The following NALF1 variants were observed in gnomAD, a reference collection of about 807,000 sequenced individuals.
The protein encoded by NALF1 is NALCN channel auxiliary factor 1.
NALF1 carries 3 observed loss-of-function variants against 48.4 expected under a neutral mutation model. That is an observed-to-expected ratio of 0.06 (90% CI 0.03 to 0.16). The LOEUF (loss-of-function observed/expected upper bound fraction) is 0.16. Ranked by LOEUF, NALF1 falls within the 10% of genes least tolerant of loss-of-function variation. NALF1 has a pLI of 1.00. For missense variants in NALF1, 526 were observed against 571.5 expected (o/e 0.92, Z 0.81); for synonymous variants, 262 against 245.7 (o/e 1.07, Z -0.62).
chr13:107,202,284 T>G (rs972935699), intron 2 of NALF1, among the ~76,000 whole-genome samples: 1 of 151,404 alleles, frequency 6.6e-6, no homozygotes, highest in Non-Finnish European at 1.5e-5. Flanking sequence ...ACCTACATTA[T>G]CTGGAAATTT....
intron 1 of NALF1, among the ~76,000 whole-genome samples, chr13:107,565,065 C>CAAAAA (rs71754551): frequency 3.4e-4 from 8 of 23,206 alleles, no homozygotes; most frequent in East Asian, 4.5e-3. Flanking sequence ...GTGATATCTG[C>CAAAAA]AAAAAAAAAA....
At position 107,398,335 on chromosome 13, in the gene NALF1, T is replaced by C. The variant is rs947846974; in HGVS notation, c.916-187580A>G. Among the ~76,000 whole-genome samples the C allele has an allele frequency of 4.7e-5, 7 of 150,132 alleles. No individual in the cohort carries two copies. The East Asian group carries it at 1.4e-3, about 29-fold the overall frequency. On this transcript the variant is annotated intron_variant, in intron 1 of 2. Transcript: ENST00000375915. ...TTCCCTTAACCAAATAAAGGCGATA[T>C]GGAATTTTAGATGCTGGCAGTTGTG...
chr13:107,212,478 C>A (rs1441333769), intron 1 of NALF1, among the ~76,000 whole-genome samples: 1 of 152,142 alleles, frequency 6.6e-6, no homozygotes, highest in Non-Finnish European at 1.5e-5. Flanking sequence ...CGGAGGTGGG[C>A]TGTGGCTGTG....
intron 1 of NALF1, among the ~76,000 whole-genome samples, chr13:107,389,711 C>T (rs1883589537): frequency 6.6e-6 from 1 of 152,150 alleles, no homozygotes; most frequent in South Asian, 2.1e-4. Flanking sequence ...GGCATGCGAG[C>T]TCATGAAGGC....
intron 2 of NALF1, among the ~76,000 whole-genome samples, chr13:107,190,388 C>G (rs1159945360): frequency 6.6e-6 from 1 of 152,148 alleles, no homozygotes; most frequent in Non-Finnish European, 1.5e-5. Flanking sequence ...CACGCATACA[C>G]AGAACAAGCT....
intron 1 of NALF1, among the ~76,000 whole-genome samples, chr13:107,682,467 T>G (rs1439473468): frequency 1.3e-5 from 2 of 152,168 alleles, no homozygotes. Context: ...AGCATTGTGC[T>G]GTTCCCAACA....
intron 1 of NALF1, among the ~76,000 whole-genome samples, chr13:107,301,588 A>G (rs1345771172): frequency 6.6e-6 from 1 of 152,146 alleles, no homozygotes; most frequent in East Asian, 1.9e-4. Flanking sequence ...GAAAATGAGA[A>G]TATTTTATGG....
chr13:107,310,246 C>T (rs534008117), intron 1 of NALF1, among the ~76,000 whole-genome samples: 1 of 152,032 alleles, frequency 6.6e-6, no homozygotes, highest in African/African-American at 2.4e-5. Flanking sequence ...CCTGTCTCTA[C>T]TAAAAATACA....
chr13:107,822,813 G>A (rs529259238), intron 1 of NALF1, among the ~76,000 whole-genome samples: 45 of 152,290 alleles, frequency 3.0e-4, no homozygotes, highest in Non-Finnish European at 5.9e-4. Flanking sequence ...AATATAAAAA[G>A]AACAAGGAAA....
chr13:107,351,826 A>G (rs1168483189), intron 1 of NALF1, among the ~76,000 whole-genome samples: 1 of 152,160 alleles, frequency 6.6e-6, no homozygotes, highest in Non-Finnish European at 1.5e-5. Flanking sequence ...TGGAGAGGAG[A>G]GCTTCATTTC....
At position 107,866,775 on chromosome 13, in the gene NALF1, T is replaced by C. The variant is rs139671494; in HGVS notation, c.-179A>G. The C allele has an allele frequency of 5.7e-4, 340 of 598,320 alleles. 1 individual carries two copies. In the East Asian group the frequency reaches 9.3e-3, roughly 16 times the overall value. The allele number at this position is 598,320 out of a possible 1,614,324, so 37.1% of individuals were successfully genotyped here. A position where few individuals can be genotyped will look rare whatever the true frequency, so the allele number is the denominator to read the frequency against. ...TCTCTCCTCTCTCTCTCTCTCCCTCTCCCTCTCTTTTATCTCTCTCTGTCT... is the reference window on the plus strand; with the variant it reads ...TCTCTCCTCTCTCTCTCTCTCCCTCCCCCTCTCTTTTATCTCTCTCTGTCT... On this transcript the variant is annotated 5_prime_UTR_variant, in exon 1 of 3. Coordinates refer to ENST00000375915, the MANE Select transcript of NALF1 (RefSeq NM_001080396.3). This position sits in a 1 kb window ranked among gnomAD's most constrained non-coding sequence, Gnocchi z 4.4.
Position 107,370,177 on chromosome 13 carries a change from G to A in NALF1, c.916-159422C>T, listed in dbSNP as rs549797084. Reference sequence around the variant, plus strand: ...ACTTTCATATTCTGCATTCCAAATTGCAGTTTGGGGGACGTTAGCTTTCCT... The same window carrying A: ...ACTTTCATATTCTGCATTCCAAATTACAGTTTGGGGGACGTTAGCTTTCCT... On this transcript the variant is annotated intron_variant, in intron 1 of 2. Coordinates refer to ENST00000375915, the MANE Select transcript of NALF1 (RefSeq NM_001080396.3). 1.3e-3 allele frequency among the ~76,000 whole-genome samples: 198 copies of A among 152,258 alleles called. 2 individuals carry two copies. The highest frequency in any genetic ancestry group is 4.6e-3 in the Admixed American group (70 of 15,292).
intron 1 of NALF1, among the ~76,000 whole-genome samples, chr13:107,616,523 T>C (rs750575230): frequency 1.3e-5 from 2 of 152,178 alleles, no homozygotes; most frequent in Non-Finnish European, 2.9e-5. Flanking sequence ...GAAAACAAAA[T>C]ACAGATTTGG....
chr13:107,638,174 T>A (rs1038503372), intron 1 of NALF1, among the ~76,000 whole-genome samples: 1 of 142,214 alleles, frequency 7.0e-6, no homozygotes, highest in Non-Finnish European at 1.5e-5. Flanking sequence ...TATATCCCTA[T>A]CTATATAAAG....
At chr13:107,752,889 GAAAGGAATAGA>G (rs1367930784) in intron 1 of NALF1, among the ~76,000 whole-genome samples, 2 of 152,192 alleles carry the variant, frequency 1.3e-5, no homozygotes, top group African/African-American at 4.8e-5. Context: ...ATAAAAAACA[GAAAGGAATAGA>G]AAAGGAACCA....
At chr13:107,816,607 G>C (rs1879170976) in intron 1 of NALF1, among the ~76,000 whole-genome samples, 1 of 152,082 alleles carries the variant, frequency 6.6e-6, no homozygotes, top group African/African-American at 2.4e-5. Flanking sequence ...TAAGATTTGG[G>C]TGAGGACACA....
intron 1 of NALF1, among the ~76,000 whole-genome samples, chr13:107,501,487 T>C (rs935883736): frequency 1.3e-5 from 2 of 152,176 alleles, no homozygotes; most frequent in Non-Finnish European, 2.9e-5. Context: ...TTTTGAACAA[T>C]GACTCAATAA....
intron 1 of NALF1, among the ~76,000 whole-genome samples, chr13:107,452,299 G>C (rs1884755055): frequency 6.6e-6 from 1 of 152,174 alleles, no homozygotes; most frequent in African/African-American, 2.4e-5. Context: ...CCAAGACTAG[G>C]TAATTTATAA....
At chr13:107,286,440 C>G (rs1367083058) in intron 1 of NALF1, among the ~76,000 whole-genome samples, 2 of 151,852 alleles carry the variant, frequency 1.3e-5, no homozygotes, top group Non-Finnish European at 2.9e-5. Context: ...TGAGATCAAT[C>G]TGGGCAACAT....
Sources: allele counts gnomAD v4.1 joint callset (sites outside exome capture counted in the v4.1 genomes callset), GRCh38; gene constraint gnomAD v4.1.1; non-coding constraint Gnocchi (gnomAD v3.1); transcripts MANE v1.5; gene names NCBI Gene and HGNC (gene_info 2026-07-23, HGNC 2026-07-21).